Variants in SYS1 observed in about 807,000 individuals in gnomAD.
SYS1 encodes the protein protein SYS1 homolog.
SYS1 carries 8 observed loss-of-function variants against 17.8 expected under a neutral mutation model. That is an observed-to-expected ratio of 0.45 (90% CI 0.26 to 0.81). The LOEUF is 0.81. Among genes scored for constraint, SYS1 ranks in the 40% least tolerant of loss-of-function variants. The pLI, the probability that SYS1 is intolerant of heterozygous loss-of-function variation, is 0.16. For synonymous variants in SYS1, 95 were observed against 90.9 expected (o/e 1.05, Z -0.26); for missense variants, 161 against 203.9 (o/e 0.79, Z 1.28).
In SYS1 at chr20:45,374,562, A is replaced by G. The variant is rs185163190; in HGVS notation, c.*268A>G. On this transcript the variant is annotated 3_prime_UTR_variant, in exon 4 of 4. Transcript: ENST00000426004. Reference sequence around the variant, plus strand: ...GCTGGGATTACAGGCGTGAGCCACCATGCCTAGCCTGTTCAGAGTAAATCT... The same window carrying G: ...GCTGGGATTACAGGCGTGAGCCACCGTGCCTAGCCTGTTCAGAGTAAATCT... 234 of 495,544 alleles carry G rather than the reference A, an allele frequency of 4.7e-4. 1 individual carries two copies. The highest frequency in any genetic ancestry group is 4.2e-3 in the African/African-American group (215 of 51,328). The allele number at this position is 495,544 out of a possible 1,614,324, so 30.7% of individuals were successfully genotyped here.
Position 45,367,749 on chromosome 20 carries a change from C to T in SYS1, c.*634C>T. ...CACCCAAGAACCTATGACTTTCTTC[C>T]AGTTCCTTCTACCAGGTCCCCATCC... On this transcript the variant is annotated 3_prime_UTR_variant, in exon 4 of 4. Transcript: ENST00000243918. 1.0e-6 allele frequency: 1 copy of T among 986,444 alleles called. No individual in the cohort carries two copies. Among genetic ancestry groups the T allele is most frequent in the Non-Finnish European group, 1.2e-6 (1 of 830,428 alleles). The allele number at this position is 986,444 out of a possible 1,614,324, so 61.1% of individuals were successfully genotyped here.
At chr20:45,372,306 A>T (rs1253135365), downstream of SYS1, among the ~76,000 whole-genome samples, 1 of 152,214 alleles carries the variant, frequency 6.6e-6, no homozygotes, top group Admixed American at 6.5e-5. Flanking sequence ...CTTCGTATAC[A>T]GCCCTCCCAT....
At chr20:45,365,709 T>C (rs1161093387) in intron 3 of SYS1, 23 bp downstream of exon 3, 9 of 1,612,700 alleles carry the variant, frequency 5.6e-6, no homozygotes, top group Non-Finnish European at 6.8e-6. Flanking sequence ...AGTTTTGCTA[T>C]CCAGCTTTTG....
chr20:45,365,827 C>A, intron 3 of SYS1, 141 bp downstream of exon 3: 1 of 813,176 alleles, frequency 1.2e-6, no homozygotes. Flanking sequence ...GTTCTGGGAC[C>A]AGCTGTATAA....
chr20:45,373,923 G>A (rs1397322636), downstream of SYS1: 1 of 1,613,980 alleles, frequency 6.2e-7, no homozygotes, highest in African/African-American at 1.3e-5. Context: ...GTAGACTCGT[G>A]AATTTCGCCA....
chr20:45,375,285 C>A (rs749220929), exon 4 of SYS1: 4 of 1,614,100 alleles, frequency 2.5e-6, no homozygotes, highest in Middle Eastern at 1.6e-4. Context: ...GTGGTTGCCT[C>A]CCCTGGACTC....
At chr20:45,365,057 A>G (rs998473239) in intron 2 of SYS1, among the ~76,000 whole-genome samples, 1 of 152,182 alleles carries the variant, frequency 6.6e-6, no homozygotes, top group Non-Finnish European at 1.5e-5. Context: ...AGGAGACTCT[A>G]TGCTCCTGGG....
downstream of SYS1, among the ~76,000 whole-genome samples, chr20:45,372,022 A>G (rs7264144): frequency 3.7e-3 from 568 of 152,312 alleles, 3 homozygotes; most frequent in African/African-American, 0.012. Flanking sequence ...AGATTCAAAC[A>G]CTTCAATTTT....
rs532662566 is a variant in SYS1, at chr20:45,374,889, C to A, written c.*595C>A. On this transcript the variant is annotated 3_prime_UTR_variant, in exon 4 of 4. Transcript: ENST00000426004. Reference sequence around the variant, plus strand: ...TATGATGTTGGTCTAAGGCTTCCCCCTCTCTGGACATGAAGGCGGAGCCTC... The same window carrying A: ...TATGATGTTGGTCTAAGGCTTCCCCATCTCTGGACATGAAGGCGGAGCCTC... 844 of 1,079,926 alleles carry A rather than the reference C, an allele frequency of 7.8e-4. 1 individual carries two copies. Among genetic ancestry groups the A allele is most frequent in the Admixed American group, 2.0e-3 (81 of 40,720 alleles). 66.9% of individuals were successfully genotyped at this position (1,079,926 alleles called of 1,614,324 possible). A position where few individuals can be genotyped will look rare whatever the true frequency, so the allele number is the denominator to read the frequency against.
chr20:45,363,505 G>A, intron 1 of SYS1, 24 bp from the exon 2 acceptor site: 1 of 1,573,506 alleles, frequency 6.4e-7, no homozygotes, highest in Non-Finnish European at 8.6e-7. Flanking sequence ...GCCGCTGGCT[G>A]AGGCCCGGCT....
chr20:45,363,064 G>C (rs954313027), upstream of SYS1: 10 of 982,492 alleles, frequency 1.0e-5, no homozygotes, highest in Non-Finnish European at 1.2e-5. Context: ...CCGGCTGCTT[G>C]TACCTGGTTC....
At chr20:45,376,604 A>G (rs1988741204) in exon 4 of SYS1, 1 of 152,184 alleles carries the variant, frequency 6.6e-6, no homozygotes, top group Non-Finnish European at 1.5e-5. Context: ...AATTCTGTCT[A>G]CCTAACAGGA....
downstream of SYS1, chr20:45,373,292 C>T (rs922238999): frequency 6.4e-6 from 1 of 156,706 alleles, no homozygotes; most frequent in African/African-American, 2.4e-5. Context: ...ACCAGCTCCC[C>T]CTCCTGATCC....
At chr20:45,374,832 T>A in exon 4 of SYS1, 1 of 635,322 alleles carries the variant, frequency 1.6e-6, no homozygotes, top group South Asian at 2.2e-5. Context: ...AGCTGTATCC[T>A]GAGACGCCTC....
At chr20:45,369,336 G>C (rs1056620304), downstream of SYS1, 1 of 152,116 alleles carries the variant, frequency 6.6e-6, no homozygotes, top group Non-Finnish European at 1.5e-5. Flanking sequence ...ACTTACCCAA[G>C]GTGACTTTTT....
At chr20:45,375,722 C>T in exon 4 of SYS1, 3 of 750,732 alleles carry the variant, frequency 4.0e-6, no homozygotes. Context: ...GTGTGATGAG[C>T]ACTAGCAGAG....
Position 45,367,175 on chromosome 20 carries a change from G to C in SYS1, c.*60G>C, listed in dbSNP as rs1988445905. On this transcript the variant is annotated 3_prime_UTR_variant, in exon 4 of 4. Coordinates refer to ENST00000243918, the MANE Select transcript of SYS1 (RefSeq NM_033542.4). ...GCCCCTTAACACCTTGGGCTGCTCA[G>C]ACCCTCCAGATGAGGTCCAGCCCAG... 1.9e-6 allele frequency: 3 copies of C among 1,596,258 alleles called. No homozygotes were observed. Among genetic ancestry groups the C allele is most frequent in the South Asian group, 2.3e-5 (2 of 87,924 alleles).
chr20:45,362,332 G>A (rs1200662800), upstream of SYS1, among the ~76,000 whole-genome samples: 2 of 148,732 alleles, frequency 1.3e-5, no homozygotes, highest in Non-Finnish European at 3.0e-5. Flanking sequence ...TTGTAGTGTT[G>A]AGGAAACACT....
chr20:45,363,061 C>CT (rs1207875403), upstream of SYS1: 3 of 979,020 alleles, frequency 3.1e-6, no homozygotes, highest in Admixed American at 6.0e-5. Flanking sequence ...TATCCGGCTG[C>CT]TTGTACCTGG....
Sources: allele counts gnomAD v4.1 joint callset (sites outside exome capture counted in the v4.1 genomes callset), GRCh38; gene constraint gnomAD v4.1.1; transcripts MANE v1.5; gene names NCBI Gene and HGNC (gene_info 2026-07-23, HGNC 2026-07-21).